The following ADAMTS12 variants were observed in gnomAD, a reference collection of about 807,000 sequenced individuals.
ADAMTS12 encodes the protein ADAM metallopeptidase with thrombospondin type 1 motif 12, also known as A disintegrin and metalloproteinase with thrombospondin motifs 12.
A neutral mutation model predicts 167.8 loss-of-function variants in ADAMTS12; 118 were observed. That is an observed-to-expected ratio of 0.70 (90% CI 0.61 to 0.82). The LOEUF is 0.82. Ranked by LOEUF, ADAMTS12 falls within the 40% of genes least tolerant of loss-of-function variation. The probability of loss-of-function intolerance (pLI) is 0.00; values close to 1 mark genes in which losing one functional copy is unlikely to be tolerated. For missense variants in ADAMTS12, 1,916 were observed against 1,998.8 expected, an observed-to-expected ratio of 0.96 and a Z score of 0.79; for synonymous variants, 704 against 716.9, an observed-to-expected ratio of 0.98 and a Z score of 0.29.
At chr5:33,652,163 G>T (rs1283341976) in intron 7 of ADAMTS12, among the ~76,000 whole-genome samples, 1 of 152,106 alleles carries the variant, frequency 6.6e-6, no homozygotes, top group Non-Finnish European at 1.5e-5. Flanking sequence ...TTGCTGGGTC[G>T]AATGATAGCT....
At chr5:33,614,649 A>C (rs1230409989) in intron 15 of ADAMTS12, among the ~76,000 whole-genome samples, 1 of 152,208 alleles carries the variant, frequency 6.6e-6, no homozygotes, top group African/African-American at 2.4e-5. Flanking sequence ...ATTTCAGTTC[A>C]CATAAATGAG....
intron 3 of ADAMTS12, among the ~76,000 whole-genome samples, chr5:33,725,300 C>T (rs1743942934): frequency 6.6e-6 from 1 of 152,154 alleles, no homozygotes; most frequent in Non-Finnish European, 1.5e-5. Flanking sequence ...TCTGGGTTGC[C>T]TGGCTCCCTA....
At chr5:33,663,275 C>G (rs746811201) in intron 5 of ADAMTS12, among the ~76,000 whole-genome samples, 3 of 152,124 alleles carry the variant, frequency 2.0e-5, no homozygotes, top group Non-Finnish European at 4.4e-5. Context: ...TTCTGGGGGA[C>G]GAGCTGGGAA....
At chr5:33,624,384 A>G in intron 13 of ADAMTS12, 33 bp from the exon 14 acceptor site, 1 of 1,613,238 alleles carries the variant, frequency 6.2e-7, no homozygotes, top group Non-Finnish European at 8.5e-7. Flanking sequence ...ATGAATGCCC[A>G]GGCAGGGGAT....
At chr5:33,758,568 C>T (rs1745245235) in intron 2 of ADAMTS12, among the ~76,000 whole-genome samples, 1 of 152,032 alleles carries the variant, frequency 6.6e-6, no homozygotes, top group Non-Finnish European at 1.5e-5. Flanking sequence ...GTAAAGGGCT[C>T]CCACAAAAGT....
chr5:33,722,474 G>T (rs1264484757), intron 3 of ADAMTS12, among the ~76,000 whole-genome samples: 4 of 152,182 alleles, frequency 2.6e-5, no homozygotes, highest in Non-Finnish European at 4.4e-5. Context: ...GTTAGGCATA[G>T]AGACATTAGG....
At chr5:33,744,428 G>A (rs1042604768) in intron 3 of ADAMTS12, among the ~76,000 whole-genome samples, 2 of 152,148 alleles carry the variant, frequency 1.3e-5, no homozygotes, top group Non-Finnish European at 2.9e-5. Context: ...AAGAGAATGT[G>A]CTCCCAAAAG....
chr5:33,614,614 A>C (rs529578285), intron 15 of ADAMTS12, among the ~76,000 whole-genome samples: 1 of 152,306 alleles, frequency 6.6e-6, no homozygotes, highest in South Asian at 2.1e-4. Flanking sequence ...CCATCTAATT[A>C]GTTCTTGGCT....
In ADAMTS12 at chr5:33,571,272, C is replaced by T. The variant is rs1462391677; in HGVS notation, c.3972+4782G>A. Among the ~76,000 whole-genome samples, 3 of 152,114 alleles carry T rather than the reference C, an allele frequency of 2.0e-5. No individual in the cohort carries two copies. In the East Asian group the frequency reaches 5.8e-4, roughly 29 times the overall value. On this transcript the variant is annotated intron_variant, in intron 19 of 23. Transcript: ENST00000504830. ...TAATAGACATCTACAGAACTCTCCA[C>T]CCTAAATCAACAGAATATACATTTT...
intron 19 of ADAMTS12, among the ~76,000 whole-genome samples, chr5:33,568,380 AC>A (rs2111920072): frequency 6.6e-6 from 1 of 152,342 alleles, no homozygotes; most frequent in East Asian, 1.9e-4. Context: ...GTTTGAATTT[AC>A]CTATTTATTG....
intron 2 of ADAMTS12, among the ~76,000 whole-genome samples, chr5:33,782,041 T>C (rs1023482413): frequency 1.3e-5 from 2 of 152,060 alleles, no homozygotes; most frequent in African/African-American, 4.8e-5. Context: ...TCATCTTGAA[T>C]TGTCTCTGCT....
chr5:33,560,984 C>T (rs1745721016), intron 20 of ADAMTS12, 43 bp downstream of exon 20: 2 of 1,607,332 alleles, frequency 1.2e-6, no homozygotes, highest in Non-Finnish European at 1.7e-6. Context: ...AACCCATCCC[C>T]ACCTTCTCTA....
chr5:33,797,267 C>T (rs1007830675), intron 2 of ADAMTS12, among the ~76,000 whole-genome samples: 9 of 152,094 alleles, frequency 5.9e-5, no homozygotes, highest in African/African-American at 2.2e-4. Context: ...CTGGCCAAGC[C>T]TGTTGAAGAG....
intron 1 of ADAMTS12, among the ~76,000 whole-genome samples, chr5:33,887,047 C>T (rs985469160): frequency 1.3e-4 from 20 of 152,088 alleles, no homozygotes; most frequent in African/African-American, 4.8e-4. Flanking sequence ...GAGAAGCCCA[C>T]ACTCACCATA....
At chr5:33,760,373 C>CAA (rs199961067) in intron 2 of ADAMTS12, among the ~76,000 whole-genome samples, 17 of 111,870 alleles carry the variant, frequency 1.5e-4, no homozygotes, top group East Asian at 7.0e-4. Flanking sequence ...AAAAAGATGC[C>CAA]AAAAAAAAAA....
rs369107854 is a variant in ADAMTS12, at chr5:33,526,099, C to A, written c.*1089G>T. 18 of 152,274 alleles carry A rather than the reference C, an allele frequency of 1.2e-4. No individual in the cohort carries two copies. Among genetic ancestry groups the A allele is most frequent in the African/African-American group, 4.1e-4 (17 of 41,546 alleles). The allele number at this position is 152,274 out of a possible 1,614,324, so 9.4% of individuals were successfully genotyped here. On this transcript the variant is annotated 3_prime_UTR_variant, in exon 24 of 24. Coordinates refer to ENST00000504830, the MANE Select transcript of ADAMTS12 (RefSeq NM_030955.4). ...ACCTTACTTTTTAGAAATGTTTTTT[C>A]TCTAGATTAGAAGTTTGCACTATGT...
At chr5:33,727,840 C>CGATAAAT (rs1310216160) in intron 3 of ADAMTS12, among the ~76,000 whole-genome samples, 2 of 152,158 alleles carry the variant, frequency 1.3e-5, no homozygotes, top group African/African-American at 2.4e-5. Flanking sequence ...ATCGGTTTGC[C>CGATAAAT]TGTGTTTATG....
intron 10 of ADAMTS12, 68 bp from the exon 11 acceptor site, chr5:33,642,023 C>G (rs1740478581): frequency 1.1e-5 from 16 of 1,461,728 alleles, no homozygotes; most frequent in Non-Finnish European, 1.4e-5. Context: ...GCCAAGAGCC[C>G]TAAAAGTCTA....
At chr5:33,828,528 G>T (rs1748175592) in intron 2 of ADAMTS12, among the ~76,000 whole-genome samples, 1 of 151,910 alleles carries the variant, frequency 6.6e-6, no homozygotes, top group African/African-American at 2.4e-5. Flanking sequence ...GTTTTATTTG[G>T]ATCTTTATTA....
Sources: gnomAD v4.1 joint callset for allele counts (sites outside exome capture counted in the v4.1 genomes callset) on GRCh38, gnomAD v4.1.1 for gene constraint, MANE v1.5 for transcripts, NCBI Gene and HGNC (gene_info 2026-07-23, HGNC 2026-07-21) for gene names.